Variants in CPPED1 observed in about 807,000 individuals in gnomAD.
The protein encoded by CPPED1 is calcineurin like phosphoesterase domain containing 1.
In CPPED1, 28 loss-of-function variants were observed where a neutral mutation model predicts 28.0. The observed-to-expected ratio is 1.00, with a 90% CI of 0.74 to 1.37. The LOEUF (loss-of-function observed/expected upper bound fraction) is 1.37, where lower values mean the gene tolerates loss of function less well. Ranked by LOEUF, CPPED1 falls within the 40% of genes most tolerant of loss-of-function variation. The pLI, the probability that CPPED1 is intolerant of heterozygous loss-of-function variation, is 0.00. For missense variants in CPPED1, 504 were observed against 416.5 expected (o/e 1.21, Z -1.83); for synonymous variants, 198 against 180.2 (o/e 1.10, Z -0.79).
At chr16:12,693,501 A>AT (rs369398517) in intron 3 of CPPED1, among the ~76,000 whole-genome samples, 2,464 of 149,366 alleles carry the variant, frequency 0.016, 62 homozygotes, top group African/African-American at 0.045. Flanking sequence ...TGGCCATGCT[A>AT]TTTTTTTTTT....
intron 2 of CPPED1, among the ~76,000 whole-genome samples, chr16:12,770,114 T>C (rs1250200546): frequency 6.6e-6 from 1 of 152,176 alleles, no homozygotes; most frequent in Non-Finnish European, 1.5e-5. Context: ...ATGAAAGGGA[T>C]GGAGGCTGTT....
chr16:12,747,204 C>A lies in CPPED1; in HGVS notation c.289+33981G>T, dbSNP rs143492607. On this transcript the variant is annotated intron_variant, in intron 2 of 3. Coordinates refer to ENST00000381774, the MANE Select transcript of CPPED1 (RefSeq NM_018340.3). ...CAGCATTTTGGGAGACTGAGGTGGG[C>A]GGATTGCTTGAGCCCAGGAATATAA... Among the ~76,000 whole-genome samples the A allele has an allele frequency of 8.5e-3, 1,286 of 151,848 alleles. 15 individuals are homozygous for A. Among genetic ancestry groups the A allele is most frequent in the African/African-American group, 0.029 (1,221 of 41,420 alleles).
chr16:12,665,873 C>T (rs575947992), intron 3 of CPPED1, among the ~76,000 whole-genome samples: 6 of 152,204 alleles, frequency 3.9e-5, no homozygotes, highest in Admixed American at 1.3e-4. Context: ...TGCAGTGAGC[C>T]AAGATCATGC....
At chr16:12,717,227 A>T (rs528585443) in intron 2 of CPPED1, among the ~76,000 whole-genome samples, 1 of 152,346 alleles carries the variant, frequency 6.6e-6, no homozygotes, top group East Asian at 1.9e-4. Flanking sequence ...TAAGTACTCT[A>T]CACAGATTAT....
chr16:12,688,698 G>C (rs2079946559), intron 3 of CPPED1, among the ~76,000 whole-genome samples: 2 of 152,120 alleles, frequency 1.3e-5, no homozygotes, highest in South Asian at 4.1e-4. Context: ...TTTTCTCCAA[G>C]ACTCTGAGCT....
At chr16:12,726,702 G>A (rs1362273729) in intron 2 of CPPED1, among the ~76,000 whole-genome samples, 3 of 152,076 alleles carry the variant, frequency 2.0e-5, no homozygotes, top group East Asian at 2.0e-4. Context: ...CCAGCTACTC[G>A]GGAGGCTGAG....
intron 1 of CPPED1, 146 bp downstream of exon 1, chr16:12,803,561 C>T: frequency 3.1e-6 from 2 of 653,878 alleles, no homozygotes; most frequent in Non-Finnish European, 4.7e-6. Context: ...TAAGAGCAGG[C>T]TTTGATGCAG....
chr16:12,664,783 C>CTGGGCTA lies in CPPED1; in HGVS notation c.*96_*102dup, dbSNP rs2079815435. ...AAAGGACATAAATTCACAAACCTGC[C>CTGGGCTA]TGGGCTATTTTTATATTTCAGCAAG... is the stretch of plus-strand genomic sequence containing the variant. On this transcript the variant is annotated 3_prime_UTR_variant, in exon 4 of 4. Coordinates refer to ENST00000381774, the MANE Select transcript of CPPED1 (RefSeq NM_018340.3). This position sits in a 1 kb window ranked among gnomAD's most constrained non-coding sequence, Gnocchi z 4.2. 4 of 1,540,532 alleles carry CTGGGCTA rather than the reference C, an allele frequency of 2.6e-6. No homozygotes were observed. The Admixed American group carries it at 7.1e-5, about 27-fold the overall frequency.
intron 2 of CPPED1, among the ~76,000 whole-genome samples, chr16:12,731,446 G>A (rs983873152): frequency 9.2e-5 from 14 of 151,588 alleles, no homozygotes; most frequent in South Asian, 8.4e-4. Flanking sequence ...TGGGTCCCCC[G>A]GGGAAAACAA....
intron 3 of CPPED1, among the ~76,000 whole-genome samples, chr16:12,674,298 T>C (rs2079867075): frequency 6.6e-6 from 1 of 152,112 alleles, no homozygotes; most frequent in Non-Finnish European, 1.5e-5. Flanking sequence ...TCCTGGGTTC[T>C]GATGCTGAGT....
intron 1 of CPPED1, among the ~76,000 whole-genome samples, chr16:12,799,684 G>A (rs28725427): frequency 0.039 from 5,999 of 152,278 alleles, 195 homozygotes; most frequent in East Asian, 0.14. Flanking sequence ...TCAGGACCCC[G>A]GGGAATTGTC....
chr16:12,756,351 G>A (rs191414826), intron 2 of CPPED1, among the ~76,000 whole-genome samples: 27 of 152,292 alleles, frequency 1.8e-4, no homozygotes, highest in African/African-American at 6.0e-4. Context: ...TGCATCTCAC[G>A]TGGGCAGTTC....
intron 2 of CPPED1, among the ~76,000 whole-genome samples, chr16:12,765,011 T>A (rs1252357542): frequency 1.3e-5 from 2 of 152,226 alleles, no homozygotes; most frequent in Non-Finnish European, 2.9e-5. Context: ...AAACCATGTC[T>A]GTCATATGAA....
chr16:12,711,961 G>T (rs561064755), intron 2 of CPPED1, among the ~76,000 whole-genome samples: 1 of 152,150 alleles, frequency 6.6e-6, no homozygotes, highest in Non-Finnish European at 1.5e-5. Flanking sequence ...GGTCTCAGGT[G>T]TTCAGAGATC....
intron 2 of CPPED1, among the ~76,000 whole-genome samples, chr16:12,725,490 C>T (rs368314086): frequency 3.8e-4 from 58 of 152,240 alleles, no homozygotes; most frequent in East Asian, 2.9e-3. Flanking sequence ...TTTGGATTCA[C>T]GCAGCATCAA....
chr16:12,732,618 A>G (rs932259220), intron 2 of CPPED1, among the ~76,000 whole-genome samples: 2 of 152,136 alleles, frequency 1.3e-5, no homozygotes, highest in African/African-American at 4.8e-5. Flanking sequence ...TTATTGTAGA[A>G]CCCTGGATGC....
At chr16:12,762,069 T>A (rs955460669) in intron 2 of CPPED1, among the ~76,000 whole-genome samples, 3 of 152,112 alleles carry the variant, frequency 2.0e-5, no homozygotes, top group African/African-American at 4.8e-5. Context: ...ATTTTTTTTT[T>A]AAATGGGAAC....
At chr16:12,768,210 A>G (rs1394467949) in intron 2 of CPPED1, among the ~76,000 whole-genome samples, 1 of 152,002 alleles carries the variant, frequency 6.6e-6, no homozygotes, top group East Asian at 1.9e-4. Flanking sequence ...ATGAACTTTT[A>G]TTTTCTTTGG....
At chr16:12,735,412 G>A (rs764114389) in intron 2 of CPPED1, among the ~76,000 whole-genome samples, 2 of 152,184 alleles carry the variant, frequency 1.3e-5, no homozygotes, top group Non-Finnish European at 2.9e-5. Flanking sequence ...CCGCCTTAGC[G>A]TTCCGCCTCA....
Sources: gnomAD v4.1 joint callset for allele counts (sites outside exome capture counted in the v4.1 genomes callset) on GRCh38, gnomAD v4.1.1 for gene constraint, Gnocchi (gnomAD v3.1) non-coding constraint, MANE v1.5 for transcripts, NCBI Gene and HGNC (gene_info 2026-07-23, HGNC 2026-07-21) for gene names.